PHKA1: variants seen among roughly 807,000 people sequenced by gnomAD.
The protein encoded by PHKA1 is phosphorylase b kinase regulatory subunit alpha, skeletal muscle isoform.
PHKA1 carries 60 observed loss-of-function variants against 110.2 expected under a neutral mutation model. That is an observed-to-expected ratio of 0.54 (90% CI 0.44 to 0.68). The LOEUF is 0.68. Ranked by LOEUF, PHKA1 falls within the 30% of genes least tolerant of loss-of-function variation. The probability of loss-of-function intolerance (pLI) is 0.00; values close to 1 mark genes in which losing one functional copy is unlikely to be tolerated. For synonymous variants in PHKA1, 316 were observed against 333.6 expected (o/e 0.95, Z 0.58); for missense variants, 801 against 942.5 (o/e 0.85, Z 1.97).
chrX:72,580,740 A>G lies in PHKA1; in HGVS notation c.*262T>C. On this transcript the variant is annotated 3_prime_UTR_variant, in exon 32 of 32. Transcript: ENST00000373542. ...GCAAACTTTTATGAATGATGAAAGA[A>G]ATAAAGCCAATCATGACAGGCCTGG... 1 of 408,543 alleles carries G rather than the reference A, an allele frequency of 2.4e-6. No individual in the cohort carries two copies. The highest frequency in any genetic ancestry group is 4.3e-6 in the Non-Finnish European group (1 of 234,360). 33.7% of individuals were successfully genotyped at this position (408,543 alleles called of 1,213,427 possible).
chrX:72,621,193 CA>C (rs1448536964), intron 18 of PHKA1, among the ~76,000 whole-genome samples: 1 of 111,514 alleles, frequency 9.0e-6, no homozygotes, highest in Non-Finnish European at 1.9e-5. Flanking sequence ...AAGCATTTAG[CA>C]ATCTGTGTAT....
At chrX:72,638,373 CAAAA>C (rs781972512) in intron 14 of PHKA1, among the ~76,000 whole-genome samples, 1 of 38,029 alleles carries the variant, frequency 2.6e-5, no homozygotes, top group Non-Finnish European at 5.3e-5. Flanking sequence ...GAGCTTCTCT[CAAAA>C]AAAAAAAAAA....
chrX:72,678,082 T>G (rs192828356), intron 5 of PHKA1, among the ~76,000 whole-genome samples: 1 of 111,474 alleles, frequency 9.0e-6, no homozygotes, highest in Non-Finnish European at 1.9e-5. Context: ...CACTCCCTTT[T>G]TGAACGTTTC....
At chrX:72,670,757 C>T in intron 6 of PHKA1, among the ~76,000 whole-genome samples, 1 of 111,814 alleles carries the variant, frequency 8.9e-6, no homozygotes. Context: ...GGGCTTCATC[C>T]CTGGGATGCA....
chrX:72,680,598 G>A (rs1556313988), intron 5 of PHKA1, among the ~76,000 whole-genome samples: 1 of 107,535 alleles, frequency 9.3e-6, no homozygotes, highest in African/African-American at 3.6e-5. Context: ...AGTTTTTCGA[G>A]GGAGCCCGTC....
At chrX:72,635,886 T>G (rs1188071546) in intron 15 of PHKA1, among the ~76,000 whole-genome samples, 1 of 111,917 alleles carries the variant, frequency 8.9e-6, no homozygotes, top group Non-Finnish European at 1.9e-5. Flanking sequence ...ACTGAAGATT[T>G]CTATGAATGT....
chrX:72,601,950 A>C lies in PHKA1; in HGVS notation c.3072+41T>G, dbSNP rs782638867. On this transcript the variant is annotated intron_variant, in intron 28 of 31. Coordinates refer to ENST00000373542, the MANE Select transcript of PHKA1 (RefSeq NM_002637.4). ...GCTCATGCATGTTATACAGAACTAA[A>C]GGTAAGTTAAACCATGTTAAATGAT... 12 of 1,049,424 alleles carry C rather than the reference A, an allele frequency of 1.1e-5. No individual in the cohort carries two copies. In the Admixed American group the frequency reaches 2.7e-4, roughly 23 times the overall value. 86.5% of individuals were successfully genotyped at this position (1,049,424 alleles called of 1,213,427 possible). A position where few individuals can be genotyped will look rare whatever the true frequency, so the allele number is the denominator to read the frequency against.
chrX:72,682,337 T>TG (rs1322866650), intron 5 of PHKA1, among the ~76,000 whole-genome samples: 10 of 67,225 alleles, frequency 1.5e-4, no homozygotes, highest in Admixed American at 4.7e-4. Flanking sequence ...GGGAGGGAGG[T>TG]GGGGGGGTCA....
intron 16 of PHKA1, among the ~76,000 whole-genome samples, chrX:72,633,440 G>C (rs1162538851): frequency 9.0e-6 from 1 of 111,620 alleles, no homozygotes; most frequent in African/African-American, 3.3e-5. Flanking sequence ...AAACCTGTCA[G>C]CACCTTGATC....
intron 4 of PHKA1, among the ~76,000 whole-genome samples, chrX:72,693,038 T>C (rs1556323329): frequency 9.0e-6 from 1 of 110,643 alleles, no homozygotes; most frequent in Non-Finnish European, 1.9e-5. Flanking sequence ...GTATTTTCTT[T>C]TTCATTTAGC....
chrX:72,671,104 G>A (rs1256901520), intron 6 of PHKA1, among the ~76,000 whole-genome samples: 33 of 108,916 alleles, frequency 3.0e-4, no homozygotes, highest in African/African-American at 1.1e-3. Flanking sequence ...GGCAGGAGAA[G>A]GAAATAAAGG....
At chrX:72,581,708 G>T (rs1264542555) in intron 31 of PHKA1, among the ~76,000 whole-genome samples, 1 of 112,160 alleles carries the variant, frequency 8.9e-6, no homozygotes, top group African/African-American at 3.2e-5. Context: ...TTTAAAATTA[G>T]AATCTTCTTA....
intron 14 of PHKA1, among the ~76,000 whole-genome samples, chrX:72,641,208 C>A (rs1366299321): frequency 9.0e-6 from 1 of 111,394 alleles, no homozygotes; most frequent in African/African-American, 3.2e-5. Context: ...TGAATTAGTT[C>A]GTCTTTGTAA....
At chrX:72,650,713 G>A (rs1357323663) in intron 12 of PHKA1, among the ~76,000 whole-genome samples, 2 of 111,831 alleles carry the variant, frequency 1.8e-5, no homozygotes, top group South Asian at 3.8e-4. Context: ...GTATAAATAT[G>A]TAGGGTATAA....
intron 29 of PHKA1, among the ~76,000 whole-genome samples, chrX:72,584,822 T>C (rs782168250): frequency 9.2e-6 from 1 of 108,847 alleles, no homozygotes; most frequent in African/African-American, 3.3e-5. Flanking sequence ...TACATATGTA[T>C]ACATGTGCCA....
chrX:72,593,397 C>T (rs782458862), intron 28 of PHKA1, 123 bp from the exon 29 acceptor site: 29 of 517,269 alleles, frequency 5.6e-5, no homozygotes, highest in Admixed American at 2.4e-4. Flanking sequence ...AGTGCAGTGG[C>T]GTGGCGCAAT....
chrX:72,703,180 T>C (rs2054229660), intron 3 of PHKA1, among the ~76,000 whole-genome samples: 1 of 111,714 alleles, frequency 9.0e-6, no homozygotes, highest in African/African-American at 3.3e-5. Flanking sequence ...CTAAATTAAC[T>C]GAGATCTGTC....
chrX:72,697,970 C>T (rs1347055244), intron 3 of PHKA1, among the ~76,000 whole-genome samples: 1 of 105,644 alleles, frequency 9.5e-6, no homozygotes, highest in African/African-American at 3.5e-5. Flanking sequence ...GGTGACAGAG[C>T]GAGACTCTGT....
Position 72,705,185 on chromosome X carries a change from A to G in PHKA1, c.285+13T>C. ...TGCTTTTATTAGAGAGGAAGGTGTT[A>G]TCAATACCATACCTGTCTGATCATG... On this transcript the variant is annotated intron_variant, in intron 3 of 31. Transcript: ENST00000373542. 8.7e-7 allele frequency: 1 copy of G among 1,147,996 alleles called. No homozygotes were observed. Among genetic ancestry groups the G allele is most frequent in the Non-Finnish European group, 1.2e-6 (1 of 840,425 alleles). 94.6% of individuals were successfully genotyped at this position (1,147,996 alleles called of 1,213,427 possible). A position where few individuals can be genotyped will look rare whatever the true frequency, so the allele number is the denominator to read the frequency against.
Sources: allele counts gnomAD v4.1 joint callset (sites outside exome capture counted in the v4.1 genomes callset), GRCh38; gene constraint gnomAD v4.1.1; transcripts MANE v1.5; gene names NCBI Gene and HGNC (gene_info 2026-07-23, HGNC 2026-07-21).